NRXN1: variants seen among roughly 807,000 people sequenced by gnomAD.
NRXN1 encodes the protein neurexin 1.
In NRXN1, 39 loss-of-function variants were observed where a neutral mutation model predicts 150.9. The observed-to-expected ratio is 0.26, with a 90% confidence interval of 0.20 to 0.34. NRXN1 has a LOEUF of 0.34. NRXN1 is among the 10% of genes least tolerant of loss of function. The pLI is 1.00. For missense variants in NRXN1, 1,815 were observed against 1,949.9 expected (o/e 0.93, Z 1.30); for synonymous variants, 924 against 757.0 (o/e 1.22, Z -3.62).
At chr2:49,986,692 T>A (rs1215879013) in intron 21 of NRXN1, among the ~76,000 whole-genome samples, 3 of 152,244 alleles carry the variant, frequency 2.0e-5, no homozygotes, top group African/African-American at 7.2e-5. Flanking sequence ...ATAAGTGTAA[T>A]TAGCATATCC....
At chr2:50,422,767 G>T (rs745917125) in intron 17 of NRXN1, among the ~76,000 whole-genome samples, 2 of 152,070 alleles carry the variant, frequency 1.3e-5, no homozygotes, top group African/African-American at 2.4e-5. Flanking sequence ...AAATATAACT[G>T]GTAACACAAC....
intron 17 of NRXN1, among the ~76,000 whole-genome samples, chr2:50,250,820 C>A (rs1026289268): frequency 1.3e-5 from 2 of 151,412 alleles, no homozygotes; most frequent in African/African-American, 4.9e-5. Context: ...TACCGGGATA[C>A]ATGTGCAGTA....
Position 50,070,908 on chromosome 2 carries a change from T to C in NRXN1, c.3719-15864A>G, listed in dbSNP as rs114827108. Among the ~76,000 whole-genome samples, 356 of 152,018 alleles carry C rather than the reference T, an allele frequency of 2.3e-3. 1 individual carries two copies. Among genetic ancestry groups the C allele is most frequent in the African/African-American group, 7.9e-3 (327 of 41,472 alleles). ...GTTCATTGCATAAAATATATCAGAA[T>C]AAAACTATAAATTTCTCTACTTCCT... On this transcript the variant is annotated intron_variant, in intron 19 of 22. Coordinates refer to ENST00000401669, the MANE Select transcript of NRXN1 (RefSeq NM_001330078.2).
intron 5 of NRXN1, among the ~76,000 whole-genome samples, chr2:50,700,396 C>G (rs17040958): frequency 0.039 from 5,862 of 152,050 alleles, 163 homozygotes; most frequent in East Asian, 0.14. Flanking sequence ...GGCAATTTTT[C>G]TGGACAAGAT....
At chr2:50,947,332 T>C (rs977088024) in intron 2 of NRXN1, among the ~76,000 whole-genome samples, 1 of 152,040 alleles carries the variant, frequency 6.6e-6, no homozygotes, top group Non-Finnish European at 1.5e-5. Flanking sequence ...CAGACATTTG[T>C]CAAATACTGT....
At chr2:50,604,093 C>T (rs1559005468) in intron 8 of NRXN1, among the ~76,000 whole-genome samples, 1 of 152,118 alleles carries the variant, frequency 6.6e-6, no homozygotes, top group Non-Finnish European at 1.5e-5. Flanking sequence ...ACTGTATCTC[C>T]CACTGGATCT....
In NRXN1 at chr2:50,623,694, T is replaced by C. The variant is rs1680467766; in HGVS notation, c.833-79A>G. ...AGCAGGTCTTAACAGAAACAATAGC[T>C]AATCACTCCCCAAATTAACCTGCTT... On this transcript the variant is annotated intron_variant, in intron 5 of 22. Transcript: ENST00000401669. The C allele has an allele frequency of 9.3e-6, 9 of 969,890 alleles. No homozygotes were observed. In the South Asian group the frequency reaches 1.3e-4, roughly 14 times the overall value. 60.1% of individuals were successfully genotyped at this position (969,890 alleles called of 1,614,324 possible).
intron 18 of NRXN1, among the ~76,000 whole-genome samples, chr2:50,202,625 G>C (rs1006422729): frequency 6.6e-6 from 1 of 152,148 alleles, no homozygotes; most frequent in Non-Finnish European, 1.5e-5. Context: ...GGGACCACTG[G>C]TACTTTGTTA....
intron 5 of NRXN1, chr2:50,917,440 G>A (rs2104208985): frequency 6.6e-6 from 1 of 151,802 alleles, no homozygotes; most frequent in Non-Finnish European, 1.5e-5. Context: ...TCGCTATATA[G>A]CAACACAGGA....
Position 49,924,010 on chromosome 2 carries a change from C to T in NRXN1, c.4217-1759G>A, listed in dbSNP as rs146285407. Reference sequence around the variant, plus strand: ...ATTTGATTACAGGAATTAATTTCCTCTCATGAAGAATAGAATCTACTGCAG... The same window carrying T: ...ATTTGATTACAGGAATTAATTTCCTTTCATGAAGAATAGAATCTACTGCAG... On this transcript the variant is annotated intron_variant, in intron 22 of 22. Transcript: ENST00000401669. 1.2e-4 allele frequency among the ~76,000 whole-genome samples: 19 copies of T among 152,314 alleles called. No individual in the cohort carries two copies. The East Asian group carries it at 3.7e-3, about 29-fold the overall frequency.
intron 8 of NRXN1, among the ~76,000 whole-genome samples, chr2:50,611,390 C>A (rs1678102133): frequency 6.6e-6 from 1 of 152,054 alleles, no homozygotes; most frequent in South Asian, 2.1e-4. Flanking sequence ...ATCTGTGGGT[C>A]CCCTGGAAAG....
intron 17 of NRXN1, among the ~76,000 whole-genome samples, chr2:50,331,332 A>C (rs1287252498): frequency 6.6e-6 from 1 of 152,180 alleles, no homozygotes; most frequent in East Asian, 1.9e-4. Context: ...GACTAAAATA[A>C]TCTTTTCAAA....
At chr2:50,467,004 C>A (rs532500959) in intron 16 of NRXN1, among the ~76,000 whole-genome samples, 5 of 151,790 alleles carry the variant, frequency 3.3e-5, no homozygotes, top group Non-Finnish European at 7.4e-5. Flanking sequence ...TAGAGTGACA[C>A]CAACCAAATG....
intron 5 of NRXN1, among the ~76,000 whole-genome samples, chr2:50,671,540 T>C (rs1363826712): frequency 6.6e-6 from 1 of 151,756 alleles, no homozygotes; most frequent in East Asian, 1.9e-4. Context: ...TCCAGTCAGA[T>C]AAATCAATTT....
chr2:50,847,507 G>C (rs1412122653), intron 5 of NRXN1, among the ~76,000 whole-genome samples: 1 of 152,118 alleles, frequency 6.6e-6, no homozygotes, highest in African/African-American at 2.4e-5. Context: ...AGAAAGGCCA[G>C]TCCCTGGCTA....
chr2:50,916,112 A>G (rs1685181959), intron 5 of NRXN1, among the ~76,000 whole-genome samples: 1 of 148,928 alleles, frequency 6.7e-6, no homozygotes, highest in African/African-American at 2.5e-5. Context: ...AAGAATAAGA[A>G]GATGAAACTC....
At chr2:50,787,404 T>C (rs1309904539) in intron 5 of NRXN1, among the ~76,000 whole-genome samples, 2 of 151,580 alleles carry the variant, frequency 1.3e-5, no homozygotes, top group African/African-American at 4.8e-5. Flanking sequence ...CTACTAAAAA[T>C]ACAATAAATT....
At chr2:50,695,747 T>C in intron 5 of NRXN1, among the ~76,000 whole-genome samples, 1 of 152,192 alleles carries the variant, frequency 6.6e-6, no homozygotes, top group Non-Finnish European at 1.5e-5. Context: ...GATATCGCTT[T>C]TTATCCATAT....
chr2:50,943,192 A>C (rs989135176), intron 2 of NRXN1, among the ~76,000 whole-genome samples: 3 of 152,086 alleles, frequency 2.0e-5, no homozygotes, highest in Admixed American at 2.0e-4. Context: ...CCCAGCCATG[A>C]GGAACTGTAA....
Sources: gnomAD v4.1 joint callset for allele counts (sites outside exome capture counted in the v4.1 genomes callset) on GRCh38, gnomAD v4.1.1 for gene constraint, MANE v1.5 for transcripts, NCBI Gene and HGNC (gene_info 2026-07-23, HGNC 2026-07-21) for gene names.